The following KCNH8 variants were observed in gnomAD, a reference collection of about 807,000 sequenced individuals.
KCNH8 encodes voltage-gated delayed rectifier potassium channel KCNH8.
KCNH8 carries 70 observed loss-of-function variants against 103.6 expected under a neutral mutation model. The observed-to-expected ratio is 0.68, with a 90% CI of 0.56 to 0.82. The LOEUF is 0.82. KCNH8 is among the 40% of genes least tolerant of loss of function. KCNH8 has a pLI of 0.00. For missense variants in KCNH8, 1,217 were observed against 1,329.9 expected, an observed-to-expected ratio of 0.92 and a Z score of 1.32; for synonymous variants, 498 against 489.4, an observed-to-expected ratio of 1.02 and a Z score of -0.23.
At chr3:19,204,744 C>A (rs2063697692) in intron 1 of KCNH8, among the ~76,000 whole-genome samples, 1 of 151,952 alleles carries the variant, frequency 6.6e-6, no homozygotes. Flanking sequence ...TTATTATACA[C>A]CAGCCTAGAG....
At chr3:19,481,183 T>C (rs1440651031) in intron 11 of KCNH8, among the ~76,000 whole-genome samples, 1 of 152,192 alleles carries the variant, frequency 6.6e-6, no homozygotes, top group East Asian at 1.9e-4. Flanking sequence ...TTTATTTATA[T>C]AAATTTATGG....
intron 11 of KCNH8, among the ~76,000 whole-genome samples, chr3:19,473,462 T>C (rs1233173431): frequency 6.6e-6 from 1 of 152,158 alleles, no homozygotes; most frequent in East Asian, 1.9e-4. Flanking sequence ...TAAATAACCC[T>C]ATGGTCACAG....
At chr3:19,237,041 A>G (rs1246042080) in intron 1 of KCNH8, among the ~76,000 whole-genome samples, 1 of 152,238 alleles carries the variant, frequency 6.6e-6, no homozygotes, top group Non-Finnish European at 1.5e-5. Flanking sequence ...TACAGTTCTT[A>G]TGGCCAAATT....
chr3:19,438,691 G>T (rs1272969954), intron 8 of KCNH8, among the ~76,000 whole-genome samples: 1 of 152,108 alleles, frequency 6.6e-6, no homozygotes. Flanking sequence ...TGGCTATGTA[G>T]GCAAACTTAT....
At chr3:19,497,326 G>C (rs2068464564) in intron 11 of KCNH8, among the ~76,000 whole-genome samples, 1 of 151,428 alleles carries the variant, frequency 6.6e-6, no homozygotes, top group Non-Finnish European at 1.5e-5. Flanking sequence ...AGTTCCTCTA[G>C]TTGTGATGTT....
intron 1 of KCNH8, among the ~76,000 whole-genome samples, chr3:19,173,223 C>A (rs1445861661): frequency 1.3e-5 from 2 of 151,960 alleles, no homozygotes; most frequent in Non-Finnish European, 2.9e-5. Flanking sequence ...ACCTGGTTAG[C>A]AAATCAGGGC....
intron 1 of KCNH8, among the ~76,000 whole-genome samples, chr3:19,164,924 G>A (rs1467377029): frequency 1.3e-5 from 2 of 152,016 alleles, no homozygotes; most frequent in Non-Finnish European, 2.9e-5. Context: ...TATATTCAGA[G>A]TTATCTGTAA....
intron 7 of KCNH8, among the ~76,000 whole-genome samples, chr3:19,403,099 G>T (rs1192953519): frequency 6.6e-6 from 1 of 151,532 alleles, no homozygotes. Context: ...TATAATACCT[G>T]ACAATTATTA....
chr3:19,239,046 A>ATT (rs1473025751), intron 1 of KCNH8, among the ~76,000 whole-genome samples: 1 of 152,212 alleles, frequency 6.6e-6, no homozygotes, highest in Non-Finnish European at 1.5e-5. Context: ...TGTAGTTATA[A>ATT]AGACAGGAAT....
chr3:19,519,568 C>T (rs565633393), intron 15 of KCNH8, among the ~76,000 whole-genome samples: 1 of 150,784 alleles, frequency 6.6e-6, no homozygotes, highest in East Asian at 2.0e-4. Context: ...AAAAGGAATA[C>T]TAGATGGTCC....
chr3:19,376,990 A>G (rs1013998735), intron 5 of KCNH8, among the ~76,000 whole-genome samples: 11 of 152,192 alleles, frequency 7.2e-5, no homozygotes, highest in Admixed American at 6.5e-4. Flanking sequence ...CACAACCATA[A>G]ACATACATGG....
chr3:19,423,497 C>T (rs1322155241), intron 7 of KCNH8, among the ~76,000 whole-genome samples: 1 of 152,104 alleles, frequency 6.6e-6, no homozygotes, highest in African/African-American at 2.4e-5. Context: ...CATAGCTCAG[C>T]TCTCACTTAT....
intron 1 of KCNH8, among the ~76,000 whole-genome samples, chr3:19,169,316 T>C (rs1328926942): frequency 6.7e-6 from 1 of 149,616 alleles, no homozygotes; most frequent in African/African-American, 2.5e-5. Flanking sequence ...TGGAGTGCAG[T>C]GGCGCGATCT....
rs146720475 is a variant in KCNH8 at position 19,239,177 on chromosome 3, C to T, written c.77-14477C>T. 4.8e-3 allele frequency among the ~76,000 whole-genome samples: 735 copies of T among 152,036 alleles called. 4 individuals are homozygous for T. Among genetic ancestry groups the T allele is most frequent in the African/African-American group, 0.017 (693 of 41,472 alleles). ...GGACTTTTTTTTTCACCTAATAAAA[C>T]ATCTGGCTATAGGCTTTTGCTGGCC... On this transcript the variant is annotated intron_variant, in intron 1 of 15. Coordinates refer to ENST00000328405, the MANE Select transcript of KCNH8 (RefSeq NM_144633.3).
intron 15 of KCNH8, among the ~76,000 whole-genome samples, chr3:19,532,844 A>G (rs567032386): frequency 1.3e-5 from 2 of 152,326 alleles, no homozygotes; most frequent in South Asian, 4.1e-4. Flanking sequence ...ATGTATGTTC[A>G]TTCAAATGCT....
chr3:19,252,524 G>T (rs546976709), intron 1 of KCNH8, among the ~76,000 whole-genome samples: 1 of 151,990 alleles, frequency 6.6e-6, no homozygotes, highest in East Asian at 1.9e-4. Flanking sequence ...TGAGTAGCTG[G>T]GATTACAGGG....
chr3:19,500,615 G>C (rs551912235), intron 11 of KCNH8, among the ~76,000 whole-genome samples: 54 of 152,136 alleles, frequency 3.5e-4, no homozygotes, highest in Non-Finnish European at 6.3e-4. Context: ...CTAGAATTCA[G>C]GATTAAGAAT....
chr3:19,163,484 T>A (rs2063253732), intron 1 of KCNH8, among the ~76,000 whole-genome samples: 1 of 152,104 alleles, frequency 6.6e-6, no homozygotes, highest in African/African-American at 2.4e-5. Flanking sequence ...CATAAAATCA[T>A]TTTCAAAGCC....
At chr3:19,233,851 G>A (rs144626439) in intron 1 of KCNH8, among the ~76,000 whole-genome samples, 3,522 of 152,160 alleles carry the variant, frequency 0.023, 124 homozygotes, top group African/African-American at 0.078. Flanking sequence ...TCTGATGTTC[G>A]GATGTGTTCG....
Sources: gnomAD v4.1 joint callset for allele counts (sites outside exome capture counted in the v4.1 genomes callset) on GRCh38, gnomAD v4.1.1 for gene constraint, MANE v1.5 for transcripts, NCBI Gene and HGNC (gene_info 2026-07-23, HGNC 2026-07-21) for gene names.